DNAJB13: variants seen among roughly 807,000 people sequenced by gnomAD.
DNAJB13 encodes dnaJ homolog subfamily B member 13.
Under a neutral mutation model 35.6 loss-of-function variants are expected in DNAJB13, and 22 were observed. The ratio of observed to expected loss-of-function variants is 0.62; its 90% CI spans 0.44 to 0.88. The LOEUF (loss-of-function observed/expected upper bound fraction) is 0.88, where lower values mean the gene tolerates loss of function less well. Among genes scored for constraint, DNAJB13 ranks in the 40% least tolerant of loss-of-function variants. DNAJB13 has a pLI of 0.00. For missense variants in DNAJB13, 370 were observed against 384.3 expected, an observed-to-expected ratio of 0.96 and a Z score of 0.31; for synonymous variants, 136 against 144.2, an observed-to-expected ratio of 0.94 and a Z score of 0.41.
chr11:73,967,622 G>C (rs559045511), intron 5 of DNAJB13, among the ~76,000 whole-genome samples: 3 of 152,136 alleles, frequency 2.0e-5, no homozygotes, highest in Non-Finnish European at 4.4e-5. Flanking sequence ...GTGTGTGCCT[G>C]TGGTCCCAGA....
Position 73,968,776 on chromosome 11 carries a change from C to T in DNAJB13, c.720+318C>T, listed in dbSNP as rs1020115764. 3.9e-5 allele frequency among the ~76,000 whole-genome samples: 6 copies of T among 152,162 alleles called. No individual in the cohort carries two copies. The East Asian group carries it at 9.6e-4, about 24-fold the overall frequency. ...TCTTTGTGCCACTGGAGGCCCTCTG[C>T]GATCTGCTCCCTGCTTACTCCTTCC... On this transcript the variant is annotated intron_variant, in intron 6 of 7. Transcript: ENST00000339764.
chr11:73,962,600 A>G (rs758771321), intron 3 of DNAJB13, among the ~76,000 whole-genome samples: 19 of 152,136 alleles, frequency 1.2e-4, no homozygotes, highest in Admixed American at 6.6e-5. Context: ...AAAGACCTTC[A>G]CACCTGACTT....
chr11:73,963,274 G>A (rs767960890), intron 3 of DNAJB13, among the ~76,000 whole-genome samples: 10 of 152,062 alleles, frequency 6.6e-5, no homozygotes, highest in Admixed American at 3.9e-4. Context: ...GAACCGAGGA[G>A]GTGGAGGTTG....
chr11:73,965,671 A>C, intron 4 of DNAJB13: 1 of 166,366 alleles, frequency 6.0e-6, no homozygotes, highest in African/African-American at 2.4e-5. Context: ...CCAGTGGGGA[A>C]TGCACTGGGG....
rs1565177058 is a variant in DNAJB13 at position 73,966,150 on chromosome 11, G to A, written c.505G>A (p.Asp169Asn). The change falls in exon 5 of 8, where the codon GAT becomes AAT. Residue 169 changes from aspartate (D) to asparagine (N), a missense_variant. By Grantham distance (23) the Asp-to-Asn change is conservative. Coordinates refer to ENST00000339764, the MANE Select transcript of DNAJB13 (RefSeq NM_153614.4). ...IKISRRVLNE[D>N]GYSSTIKDKI... Reference sequence around the variant, plus strand: ...TATGTTGCTATAGGTGCTGAACGAGGATGGGTACTCCTCCACCATCAAGGA... The same window carrying A: ...TATGTTGCTATAGGTGCTGAACGAGAATGGGTACTCCTCCACCATCAAGGA... The A allele has an allele frequency of 6.2e-7, 1 of 1,613,242 alleles. No individual in the cohort carries two copies. Among genetic ancestry groups the A allele is most frequent in the Non-Finnish European group, 8.5e-7 (1 of 1,179,754 alleles).
At position 73,958,324 on chromosome 11, in the gene DNAJB13, A is replaced by C. The variant is rs754242716; in HGVS notation, c.76A>C (p.Arg26=). Residue 26 remains arginine (R), a synonymous_variant, in exon 2 of 8, where the codon AGA becomes CGA. Transcript: ENST00000339764. ...TAATTCTCCCTCTTCCAGGTACCGC[A>C]GACTCGCCCTTAAGCACCACCCGTT... is the stretch of plus-strand genomic sequence containing the variant. ...EDAQIKQAYR[R]LALKHHPLKS... 10 of 1,614,008 alleles carry C rather than the reference A, an allele frequency of 6.2e-6. No individual in the cohort carries two copies. Among genetic ancestry groups the C allele is most frequent in the Non-Finnish European group, 7.6e-6 (9 of 1,180,024 alleles).
At chr11:73,952,574 A>T (rs1950613952) in intron 1 of DNAJB13, among the ~76,000 whole-genome samples, 1 of 152,186 alleles carries the variant, frequency 6.6e-6, no homozygotes, top group African/African-American at 2.4e-5. Flanking sequence ...TGGAGAAAAA[A>T]GACACAAACT....
At chr11:73,961,697 G>A (rs1360859105) in intron 3 of DNAJB13, among the ~76,000 whole-genome samples, 2 of 152,212 alleles carry the variant, frequency 1.3e-5, no homozygotes, top group Admixed American at 6.5e-5. Context: ...AGAGTCTGGG[G>A]GATGTTCCTT....
intron 5 of DNAJB13, among the ~76,000 whole-genome samples, chr11:73,967,012 C>A (rs1468121683): frequency 6.6e-6 from 1 of 152,160 alleles, no homozygotes; most frequent in Non-Finnish European, 1.5e-5. Flanking sequence ...ACCACCACAC[C>A]CGACTAATTT....
intron 3 of DNAJB13, chr11:73,963,716 C>T (rs779198546): frequency 6.6e-6 from 1 of 152,202 alleles, no homozygotes; most frequent in Non-Finnish European, 1.5e-5. Flanking sequence ...CCCATCGCAT[C>T]TTAGAGGGAC....
intron 1 of DNAJB13, among the ~76,000 whole-genome samples, chr11:73,956,225 A>T (rs1474808952): frequency 6.6e-6 from 1 of 152,296 alleles, no homozygotes; most frequent in East Asian, 1.9e-4. Flanking sequence ...TGGGAAGGGG[A>T]GTCTAACCTA....
At chr11:73,968,110 T>G (rs1591207635) in intron 5 of DNAJB13, 3 of 506,518 alleles carry the variant, frequency 5.9e-6, no homozygotes, top group Admixed American at 6.9e-5. Flanking sequence ...CAGCTGAGTG[T>G]GTCTATTTTG....
intron 4 of DNAJB13, 57 bp from the exon 5 acceptor site, chr11:73,966,081 C>T (rs1951106012): frequency 2.7e-6 from 4 of 1,490,572 alleles, no homozygotes; most frequent in South Asian, 2.4e-5. Flanking sequence ...GAGCAAATCT[C>T]GACTGTACTC....
chr11:73,955,307 CTTT>C (rs570240877), intron 1 of DNAJB13, among the ~76,000 whole-genome samples: 43 of 134,790 alleles, frequency 3.2e-4, no homozygotes, highest in Admixed American at 7.5e-4. Context: ...AACCTTGTTA[CTTT>C]TTTTTTTTTT....
intron 1 of DNAJB13, among the ~76,000 whole-genome samples, chr11:73,955,050 T>G (rs1018928974): frequency 6.6e-6 from 1 of 152,006 alleles, no homozygotes; most frequent in African/African-American, 2.4e-5. Flanking sequence ...TAACTCTAAG[T>G]CACATGTATG....
intron 6 of DNAJB13, among the ~76,000 whole-genome samples, chr11:73,968,776 C>A (rs1020115764): frequency 2.0e-5 from 3 of 152,162 alleles, no homozygotes; most frequent in Non-Finnish European, 4.4e-5. Flanking sequence ...AGGCCCTCTG[C>A]GATCTGCTCC....
chr11:73,961,142 T>C (rs589295), intron 3 of DNAJB13, among the ~76,000 whole-genome samples: 86,496 of 151,814 alleles, frequency 0.57, 26,493 homozygotes, highest in African/African-American at 0.82. Flanking sequence ...GTGCCAGGAA[T>C]GGTGGTGTGT....
chr11:73,953,841 A>C (rs1322184051), intron 1 of DNAJB13, among the ~76,000 whole-genome samples: 1 of 151,752 alleles, frequency 6.6e-6, no homozygotes, highest in Non-Finnish European at 1.5e-5. Context: ...CTACTAAAAA[A>C]TACAAAAAAT....
intron 2 of DNAJB13, among the ~76,000 whole-genome samples, chr11:73,959,144 G>A (rs1950849494): frequency 6.6e-6 from 1 of 152,108 alleles, no homozygotes; most frequent in African/African-American, 2.4e-5. Context: ...CTACGATTCC[G>A]TTTACCCCAG....
Sources: allele counts gnomAD v4.1 joint callset (sites outside exome capture counted in the v4.1 genomes callset), GRCh38; gene constraint gnomAD v4.1.1; transcripts MANE v1.5; gene names NCBI Gene and HGNC (gene_info 2026-07-23, HGNC 2026-07-21).